Variants in NTRK2 observed in about 807,000 individuals in gnomAD.
NTRK2 encodes BDNF/NT-3 growth factors receptor.
A neutral mutation model predicts 94.5 loss-of-function variants in NTRK2; 13 were observed. The ratio of observed to expected loss-of-function variants is 0.14; its 90% CI spans 0.09 to 0.22. The LOEUF (loss-of-function observed/expected upper bound fraction) is 0.22. NTRK2 is among the 10% of genes least tolerant of loss of function. The probability of loss-of-function intolerance (pLI) is 1.00; values close to 1 mark genes in which losing one functional copy is unlikely to be tolerated. For missense variants in NTRK2, 639 were observed against 1,071.2 expected (o/e 0.60, Z 5.63); for synonymous variants, 372 against 407.4 (o/e 0.91, Z 1.05).
chr9:84,749,272 T>G (rs1564184513), intron 11 of NTRK2, among the ~76,000 whole-genome samples: 1 of 152,162 alleles, frequency 6.6e-6, no homozygotes. Context: ...GAAGCGTTTT[T>G]GGGGAGATAT....
chr9:84,814,916 T>G (rs1263431680), intron 12 of NTRK2: 9 of 1,060,322 alleles, frequency 8.5e-6, no homozygotes, highest in Non-Finnish European at 9.1e-6. Context: ...TTAAGTGTGT[T>G]CTGCTATGTT....
At chr9:84,877,755 G>C in intron 14 of NTRK2, 5 of 1,056,380 alleles carry the variant, frequency 4.7e-6, no homozygotes, top group Non-Finnish European at 5.7e-6. Flanking sequence ...GCTTGCCCAC[G>C]TGTATGTATG....
At chr9:84,996,149 G>A (rs1411892360) in intron 17 of NTRK2, among the ~76,000 whole-genome samples, 1 of 152,204 alleles carries the variant, frequency 6.6e-6, no homozygotes, top group Non-Finnish European at 1.5e-5. Context: ...TCATAAAAAT[G>A]TCAGAAGAGT....
In NTRK2 at chr9:84,966,551, C is replaced by T. The variant is rs561453654; in HGVS notation, c.2172+11034C>T. On this transcript the variant is annotated intron_variant, in intron 17 of 18. Coordinates refer to ENST00000277120, the MANE Select transcript of NTRK2 (RefSeq NM_006180.6). ...GGTTCAAGTGAGTCTCCTGCCTCAGCCTCCCGAGCAGCTGGGATTACAGGC... is the reference window on the plus strand; with the variant it reads ...GGTTCAAGTGAGTCTCCTGCCTCAGTCTCCCGAGCAGCTGGGATTACAGGC... Among the ~76,000 whole-genome samples, 4 of 152,282 alleles carry T rather than the reference C, an allele frequency of 2.6e-5. 1 individual carries two copies. The South Asian group carries it at 8.3e-4, about 32-fold the overall frequency.
At chr9:84,755,954 C>T (rs55753114) in intron 12 of NTRK2, among the ~76,000 whole-genome samples, 3,153 of 152,110 alleles carry the variant, frequency 0.021, 63 homozygotes, top group Middle Eastern at 0.088. Context: ...ATTTCTGTGC[C>T]TTTACACTGT....
chr9:85,004,035 G>GAAAGAAAGAAAGAAAGAAAGAAAAGAA (rs1564542151), intron 17 of NTRK2, among the ~76,000 whole-genome samples: 5 of 69,416 alleles, frequency 7.2e-5, no homozygotes, highest in Admixed American at 1.9e-4. Context: ...GAAAGAAAGA[G>GAAAGAAAGAAAGAAAGAAAGAAAAGAA]AGAAAGAAAG....
At chr9:84,934,617 C>T (rs145550527) in intron 15 of NTRK2, among the ~76,000 whole-genome samples, 3 of 152,258 alleles carry the variant, frequency 2.0e-5, no homozygotes, top group Non-Finnish European at 2.9e-5. Flanking sequence ...TTCCTGAAGA[C>T]TCACATGTGT....
chr9:84,728,190 G>A (rs532838914), intron 9 of NTRK2, among the ~76,000 whole-genome samples: 1 of 152,152 alleles, frequency 6.6e-6, no homozygotes, highest in African/African-American at 2.4e-5. Context: ...GTTATGATAA[G>A]TGTGGAGTGA....
At chr9:84,775,801 T>C (rs1351584758) in intron 12 of NTRK2, among the ~76,000 whole-genome samples, 3 of 152,288 alleles carry the variant, frequency 2.0e-5, no homozygotes, top group South Asian at 4.1e-4. Context: ...CCAATATCAC[T>C]TAGGAACTTT....
chr9:85,003,719 G>A (rs1035559715), intron 17 of NTRK2, among the ~76,000 whole-genome samples: 1 of 151,964 alleles, frequency 6.6e-6, no homozygotes. Flanking sequence ...ATTACAGGAA[G>A]CAAGAGTGAA....
At chr9:84,825,223 C>T (rs1181107449) in intron 12 of NTRK2, among the ~76,000 whole-genome samples, 1 of 152,094 alleles carries the variant, frequency 6.6e-6, no homozygotes, top group Non-Finnish European at 1.5e-5. Context: ...CCTCCAGGCC[C>T]TTTGTAATTG....
At chr9:84,836,567 T>C (rs985206954) in intron 12 of NTRK2, among the ~76,000 whole-genome samples, 3 of 149,888 alleles carry the variant, frequency 2.0e-5, no homozygotes, top group African/African-American at 7.4e-5. Context: ...TACACTCTAA[T>C]GTAATGTTAT....
rs74793301 is a variant in NTRK2, at chr9:84,816,102, T to C, written c.1397-44938T>C. Reference sequence around the variant, plus strand: ...TGACCCAGGTCACAATAAGAGAGTATACTCAATGCTCTGTTTCTCTATTCT... The same window carrying C: ...TGACCCAGGTCACAATAAGAGAGTACACTCAATGCTCTGTTTCTCTATTCT... On this transcript the variant is annotated intron_variant, in intron 12 of 18. Coordinates refer to ENST00000277120, the MANE Select transcript of NTRK2 (RefSeq NM_006180.6). Among the ~76,000 whole-genome samples the C allele has an allele frequency of 5.4e-3, 815 of 152,162 alleles. 12 individuals are homozygous for C. Among genetic ancestry groups the C allele is most frequent in the Admixed American group, 0.043 (651 of 15,292 alleles).
chr9:84,982,354 A>G (rs145754519), intron 17 of NTRK2, among the ~76,000 whole-genome samples: 14 of 152,322 alleles, frequency 9.2e-5, no homozygotes, highest in Admixed American at 4.6e-4. Flanking sequence ...AGTGGTCCTA[A>G]TGAAGAAACA....
intron 2 of NTRK2, among the ~76,000 whole-genome samples, chr9:84,701,945 C>T (rs946647469): frequency 2.6e-5 from 4 of 152,042 alleles, no homozygotes; most frequent in Non-Finnish European, 1.5e-5. Flanking sequence ...GAAATGAAAC[C>T]CAGTGCAAGG....
At chr9:85,003,506 G>A (rs1830550104) in intron 17 of NTRK2, among the ~76,000 whole-genome samples, 1 of 152,290 alleles carries the variant, frequency 6.6e-6, no homozygotes, top group South Asian at 2.1e-4. Context: ...TGTGCCCCGT[G>A]TGGTAGGCAA....
At chr9:84,696,331 A>G (rs923619342) in intron 2 of NTRK2, among the ~76,000 whole-genome samples, 2 of 152,220 alleles carry the variant, frequency 1.3e-5, no homozygotes, top group East Asian at 3.8e-4. Context: ...TAAATAAGTA[A>G]ATAAGTAGTG....
chr9:84,760,381 G>A (rs2065447635), intron 12 of NTRK2, among the ~76,000 whole-genome samples: 1 of 152,116 alleles, frequency 6.6e-6, no homozygotes, highest in Non-Finnish European at 1.5e-5. Flanking sequence ...ATATTATAGG[G>A]TGATTCTTGT....
At chr9:84,883,117 A>G (rs2076312847) in intron 14 of NTRK2, among the ~76,000 whole-genome samples, 1 of 152,210 alleles carries the variant, frequency 6.6e-6, no homozygotes, top group African/African-American at 2.4e-5. Context: ...ACTGGTATCT[A>G]TCAAATCTGA....
Sources: allele counts gnomAD v4.1 joint callset (sites outside exome capture counted in the v4.1 genomes callset), GRCh38; gene constraint gnomAD v4.1.1; transcripts MANE v1.5; gene names NCBI Gene and HGNC (gene_info 2026-07-23, HGNC 2026-07-21).